Variants in NRG3 observed in about 807,000 individuals in gnomAD.
NRG3 encodes the protein neuregulin 3, also known as pro-neuregulin-3, membrane-bound isoform.
NRG3 carries 31 observed loss-of-function variants against 66.9 expected under a neutral mutation model. The observed-to-expected ratio is 0.46, with a 90% CI of 0.35 to 0.63. The LOEUF is 0.63. NRG3 is among the 20% of genes least tolerant of loss of function. The pLI is 0.00. For missense variants in NRG3, 910 were observed against 878.9 expected, an observed-to-expected ratio of 1.04 and a Z score of -0.45; for synonymous variants, 393 against 359.4, an observed-to-expected ratio of 1.09 and a Z score of -1.06.
intron 2 of NRG3, among the ~76,000 whole-genome samples, chr10:82,588,507 T>C (rs1330870823): frequency 6.6e-6 from 1 of 152,058 alleles, no homozygotes; most frequent in Non-Finnish European, 1.5e-5. Context: ...TTGAACCTTT[T>C]TTTTTTCTTT....
chr10:82,729,053 C>T (rs1428775599), intron 2 of NRG3, among the ~76,000 whole-genome samples: 4 of 152,048 alleles, frequency 2.6e-5, no homozygotes, highest in Non-Finnish European at 2.9e-5. Context: ...TCAGTAACCC[C>T]ATTTAGAAAG....
chr10:82,685,896 TACTACA>T (rs1296994115), intron 2 of NRG3, among the ~76,000 whole-genome samples: 9 of 152,312 alleles, frequency 5.9e-5, no homozygotes, highest in African/African-American at 2.2e-4. Context: ...CGTCATCCTC[TACTACA>T]TCTTGTTCCA....
At chr10:82,005,435 A>C (rs2061342799) in intron 1 of NRG3, among the ~76,000 whole-genome samples, 1 of 152,194 alleles carries the variant, frequency 6.6e-6, no homozygotes. Context: ...TAGTCTCTCA[A>C]TGAGAAGTGA....
chr10:82,985,805 A>G lies in NRG3; in HGVS notation c.*200A>G. The G allele has an allele frequency of 3.4e-6, 2 of 587,420 alleles. No homozygotes were observed. The highest frequency in any genetic ancestry group is 5.8e-6 in the Non-Finnish European group (2 of 347,794). 36.4% of individuals were successfully genotyped at this position (587,420 alleles called of 1,614,324 possible). ...TGTTTCAGGAGGGATAAAGCTTACC[A>G]TTAAAGCTTTTGGGTAGAATTCTGA... is the stretch of plus-strand genomic sequence containing the variant. On this transcript the variant is annotated 3_prime_UTR_variant, in exon 9 of 9. Transcript: ENST00000372141.
chr10:82,587,966 C>A (rs1440133711), intron 2 of NRG3, among the ~76,000 whole-genome samples: 4 of 152,140 alleles, frequency 2.6e-5, no homozygotes. Flanking sequence ...CATAATTTTA[C>A]AAGTCATATA....
At chr10:82,508,770 C>G (rs1312722677) in intron 2 of NRG3, among the ~76,000 whole-genome samples, 1 of 152,172 alleles carries the variant, frequency 6.6e-6, no homozygotes, top group Non-Finnish European at 1.5e-5. Flanking sequence ...TAAACTGGAA[C>G]TCTTCCAGGC....
chr10:82,934,277 A>C (rs982983619), intron 4 of NRG3, among the ~76,000 whole-genome samples: 1 of 152,246 alleles, frequency 6.6e-6, no homozygotes, highest in African/African-American at 2.4e-5. Flanking sequence ...GACATAAAGT[A>C]AACTTAAATA....
chr10:82,854,677 T>G (rs907330612), intron 3 of NRG3, among the ~76,000 whole-genome samples: 2 of 152,148 alleles, frequency 1.3e-5, no homozygotes, highest in Non-Finnish European at 2.9e-5. Flanking sequence ...TGAAGAGTAG[T>G]TAACAAAATC....
rs1402015447 is a variant in NRG3 at position 82,080,227 on chromosome 10, G to T, written c.823+204064G>T. On this transcript the variant is annotated intron_variant, in intron 1 of 8. Coordinates refer to ENST00000372141, the MANE Select transcript of NRG3 (RefSeq NM_001010848.4). ...CCTTATACTATAAGCATTTGAGTTTGCATCTCCTAGGGAGATGGGAACTAA... is the reference window on the plus strand; with the variant it reads ...CCTTATACTATAAGCATTTGAGTTTTCATCTCCTAGGGAGATGGGAACTAA... 2.6e-5 allele frequency among the ~76,000 whole-genome samples: 4 copies of T among 152,076 alleles called. No homozygotes were observed. The East Asian group carries it at 5.8e-4, about 22-fold the overall frequency.
intron 1 of NRG3, among the ~76,000 whole-genome samples, chr10:82,176,880 GACACAC>G (rs142443398): frequency 1.4e-5 from 2 of 146,116 alleles, no homozygotes; most frequent in Admixed American, 6.9e-5. Context: ...TTTAAAACAA[GACACAC>G]ACACACACAC....
At chr10:82,950,674 AAC>A (rs1200950529) in intron 4 of NRG3, among the ~76,000 whole-genome samples, 1 of 152,174 alleles carries the variant, frequency 6.6e-6, no homozygotes, top group Non-Finnish European at 1.5e-5. Flanking sequence ...GTCCTATATA[AAC>A]AGAAAGATGA....
At chr10:82,816,917 G>A (rs2061733803) in intron 3 of NRG3, among the ~76,000 whole-genome samples, 2 of 152,334 alleles carry the variant, frequency 1.3e-5, no homozygotes, top group Middle Eastern at 3.4e-3. Flanking sequence ...CCATGCCTGA[G>A]AGTGTTCCAC....
chr10:82,599,940 G>C (rs2047516312), intron 2 of NRG3, among the ~76,000 whole-genome samples: 1 of 152,118 alleles, frequency 6.6e-6, no homozygotes, highest in African/African-American at 2.4e-5. Flanking sequence ...TTTAAATGTA[G>C]AACTAAAATA....
chr10:82,780,555 C>A (rs1256719600), intron 3 of NRG3, among the ~76,000 whole-genome samples: 2 of 115,694 alleles, frequency 1.7e-5, no homozygotes, highest in African/African-American at 6.8e-5. Context: ...TTTATTATAT[C>A]TTGTACATTT....
chr10:82,044,778 C>G (rs545637807), intron 1 of NRG3, among the ~76,000 whole-genome samples: 1 of 152,078 alleles, frequency 6.6e-6, no homozygotes, highest in Non-Finnish European at 1.5e-5. Flanking sequence ...CATGTGTTCT[C>G]ATTGTTCAAC....
chr10:82,188,746 C>T (rs1056575258), intron 1 of NRG3, among the ~76,000 whole-genome samples: 3 of 152,032 alleles, frequency 2.0e-5, no homozygotes, highest in Non-Finnish European at 1.5e-5. Context: ...ATTAAAACTA[C>T]AATGAGATAG....
At chr10:81,969,946 T>C (rs1760352054) in intron 1 of NRG3, among the ~76,000 whole-genome samples, 1 of 152,224 alleles carries the variant, frequency 6.6e-6, no homozygotes, top group African/African-American at 2.4e-5. Flanking sequence ...TAGCTGTCTA[T>C]CTTTACTGCT....
intron 3 of NRG3, among the ~76,000 whole-genome samples, chr10:82,741,168 C>T (rs2058407284): frequency 1.3e-5 from 2 of 152,094 alleles, no homozygotes; most frequent in Non-Finnish European, 2.9e-5. Flanking sequence ...TGCACACGTG[C>T]ATTTCTTTAG....
intron 2 of NRG3, among the ~76,000 whole-genome samples, chr10:82,576,538 T>G (rs569500415): frequency 6.6e-6 from 1 of 151,728 alleles, no homozygotes; most frequent in Non-Finnish European, 1.5e-5. Flanking sequence ...GGCTGTCACA[T>G]TGAAATATGT....
Sources: gnomAD v4.1 joint callset for allele counts (sites outside exome capture counted in the v4.1 genomes callset) on GRCh38, gnomAD v4.1.1 for gene constraint, MANE v1.5 for transcripts, NCBI Gene and HGNC (gene_info 2026-07-23, HGNC 2026-07-21) for gene names.